The following AVEN variants were observed in gnomAD, a reference collection of about 807,000 sequenced individuals.
The protein encoded by AVEN is apoptosis and caspase activation inhibitor, also known as cell death regulator Aven.
AVEN carries 41 observed loss-of-function variants against 38.1 expected under a neutral mutation model. The observed-to-expected ratio is 1.08, with a 90% CI of 0.84 to 1.40. The LOEUF is 1.40. Among genes scored for constraint, AVEN ranks in the 40% most tolerant of loss-of-function variants. The probability of loss-of-function intolerance (pLI) is 0.00; values close to 1 mark genes in which losing one functional copy is unlikely to be tolerated. For synonymous variants in AVEN, 206 were observed against 171.8 expected, an observed-to-expected ratio of 1.20 and a Z score of -1.56; for missense variants, 605 against 438.8, an observed-to-expected ratio of 1.38 and a Z score of -3.38.
At chr15:33,887,147 A>G (rs1891738288) in intron 2 of AVEN, among the ~76,000 whole-genome samples, 2 of 152,224 alleles carry the variant, frequency 1.3e-5, no homozygotes, top group African/African-American at 4.8e-5. Flanking sequence ...ATGAGTCCAG[A>G]TAAGAATCAG....
rs1331213148 is a variant in AVEN at position 33,866,530 on chromosome 15, TG to T, written c.*82del. 4.9e-5 allele frequency: 47 copies of T among 957,992 alleles called. No individual in the cohort carries two copies. In the African/African-American group the frequency reaches 6.7e-4, roughly 14 times the overall value. The allele number at this position is 957,992 out of a possible 1,614,324, so 59.3% of individuals were successfully genotyped here. A position where few individuals can be genotyped will look rare whatever the true frequency, so the allele number is the denominator to read the frequency against. On this transcript the variant is annotated 3_prime_UTR_variant, in exon 6 of 6. Coordinates refer to ENST00000306730, the MANE Select transcript of AVEN (RefSeq NM_020371.3). ...ACTAGCTTGAGACATGCTTGTAAAC[TG>T]GCTGGTCCTGAAGGACAGCCTTATG... is the stretch of plus-strand genomic sequence containing the variant.
rs543687164 is a variant in AVEN at position 33,924,065 on chromosome 15, A to G, written c.446-48070T>C. Among the ~76,000 whole-genome samples the G allele has an allele frequency of 2.0e-5, 3 of 152,064 alleles. No individual in the cohort carries two copies. The South Asian group carries it at 6.3e-4, about 32-fold the overall frequency. ...AATGTAATGAGCTTGAATCATCCCTAAACTATCCCCCCCTTTTCTGGTCCA... is the reference window on the plus strand; with the variant it reads ...AATGTAATGAGCTTGAATCATCCCTGAACTATCCCCCCCTTTTCTGGTCCA... On this transcript the variant is annotated intron_variant, in intron 2 of 5. Coordinates refer to ENST00000306730, the MANE Select transcript of AVEN (RefSeq NM_020371.3).
intron 1 of AVEN, among the ~76,000 whole-genome samples, chr15:34,027,959 G>A (rs2632076): frequency 2.6e-5 from 4 of 152,080 alleles, no homozygotes; most frequent in South Asian, 2.1e-4. Flanking sequence ...GTGGTCATGC[G>A]CAGAAAAGAT....
At chr15:34,069,969 G>A (rs1241857920) in intron 2 of AVEN, among the ~76,000 whole-genome samples, 1 of 152,100 alleles carries the variant, frequency 6.6e-6, no homozygotes, top group East Asian at 1.9e-4. Flanking sequence ...ACCTGTATTA[G>A]TCTGTTCTTA....
intron 1 of AVEN, among the ~76,000 whole-genome samples, chr15:34,031,728 G>A (rs913063835): frequency 1.3e-5 from 2 of 152,124 alleles, no homozygotes; most frequent in Non-Finnish European, 2.9e-5. Flanking sequence ...GTTCTTCACA[G>A]GAATTGCCTT....
At chr15:33,997,667 CTT>C (rs558333846) in intron 2 of AVEN, among the ~76,000 whole-genome samples, 203 of 152,288 alleles carry the variant, frequency 1.3e-3, no homozygotes, top group African/African-American at 4.7e-3. Flanking sequence ...ATCCCAATAT[CTT>C]TTTACTGCCC....
downstream of AVEN, among the ~76,000 whole-genome samples, chr15:33,858,423 T>C (rs1230604240): frequency 2.0e-5 from 3 of 152,054 alleles, no homozygotes; most frequent in East Asian, 3.9e-4. Context: ...GTCAGGCTGG[T>C]CTCAAACTCC....
intron 2 of AVEN, among the ~76,000 whole-genome samples, chr15:33,939,530 G>A (rs1405585997): frequency 6.6e-6 from 1 of 152,206 alleles, no homozygotes; most frequent in African/African-American, 2.4e-5. Context: ...CCACAATAGA[G>A]GGTTGCAAAG....
At chr15:33,899,487 T>G (rs1892398144) in intron 2 of AVEN, among the ~76,000 whole-genome samples, 2 of 67,350 alleles carry the variant, frequency 3.0e-5, no homozygotes, top group Non-Finnish European at 5.9e-5. Flanking sequence ...TTTTTTTTTT[T>G]GAGACGGAGT....
At position 34,044,846 on chromosome 15, in the gene AVEN, G is replaced by T. The variant is rs909096512; in HGVS notation, n.1637+18076C>A. Among the ~76,000 whole-genome samples, 6 of 152,278 alleles carry T rather than the reference G, an allele frequency of 3.9e-5. No individual in the cohort carries two copies. In the East Asian group the frequency reaches 1.2e-3, roughly 29 times the overall value. On this transcript the variant is annotated intron_variant and non_coding_transcript_variant, in intron 5 of 11. Transcript: ENST00000675287. ...CGGGAGGATCATGAGGTCAGGAGAT[G>T]GAGACCATCCTAGCTAATAGGGTGA...
Position 33,867,545 on chromosome 15 carries a change from G to C in AVEN, c.923C>G (p.Ser308Cys), listed in dbSNP as rs369088250. 6.2e-7 allele frequency: 1 copy of C among 1,609,254 alleles called. No homozygotes were observed. The highest frequency in any genetic ancestry group is 8.5e-7 in the Non-Finnish European group (1 of 1,178,070). Residue 308 changes from serine (S) to cysteine (C), a missense_variant, in exon 5 of 6, where the codon TCT (serine) becomes TGT (cysteine). Coordinates refer to ENST00000306730, the MANE Select transcript of AVEN (RefSeq NM_020371.3). ...EGDNILPDQT[S>C]QDLKSKEDGE... ...ATCTTCCTTGGATTTCAGGTCCTGA[G>C]ACGTCTGATCTGGTAAGATGTTATC...
At chr15:33,966,498 A>G (rs865822545) in intron 2 of AVEN, among the ~76,000 whole-genome samples, 1 of 152,172 alleles carries the variant, frequency 6.6e-6, no homozygotes, top group Admixed American at 6.5e-5. Flanking sequence ...GCACCTTGGG[A>G]GAGAAGTATT....
chr15:33,920,346 T>A (rs1348600697), intron 2 of AVEN, among the ~76,000 whole-genome samples: 1 of 152,150 alleles, frequency 6.6e-6, no homozygotes, highest in African/African-American at 2.4e-5. Flanking sequence ...CATTTCCCCA[T>A]CTCCCCAACC....
intron 3 of AVEN, among the ~76,000 whole-genome samples, chr15:33,874,659 G>C (rs1042035890): frequency 6.6e-6 from 1 of 152,178 alleles, no homozygotes; most frequent in Non-Finnish European, 1.5e-5. Context: ...CAGACTACAG[G>C]TCACCGAGTG....
chr15:33,904,716 T>TATAC (rs1555505855), intron 2 of AVEN, among the ~76,000 whole-genome samples: 57 of 143,348 alleles, frequency 4.0e-4, no homozygotes, highest in African/African-American at 1.4e-3. Context: ...TATATATATA[T>TATAC]ACACACACAC....
chr15:34,007,216 A>G (rs566373922), intron 1 of AVEN: 1 of 251,540 alleles, frequency 4.0e-6, no homozygotes, highest in Non-Finnish European at 6.3e-6. Flanking sequence ...TAGAAAGAGT[A>G]GCTTAATGTT....
chr15:33,925,475 T>A (rs927951113), intron 2 of AVEN, among the ~76,000 whole-genome samples: 12 of 152,202 alleles, frequency 7.9e-5, no homozygotes, highest in Admixed American at 3.9e-4. Context: ...CCAATGCCAA[T>A]AGTTTCCCTG....
chr15:33,880,700 G>T (rs900942082), intron 2 of AVEN, among the ~76,000 whole-genome samples: 1 of 151,954 alleles, frequency 6.6e-6, no homozygotes, highest in African/African-American at 2.4e-5. Context: ...CATTAAAAAC[G>T]ATCAGGCCTA....
At chr15:33,899,967 T>G (rs774348306) in intron 2 of AVEN, among the ~76,000 whole-genome samples, 19 of 151,498 alleles carry the variant, frequency 1.3e-4, no homozygotes, top group Non-Finnish European at 2.5e-4. Flanking sequence ...AAGTATAAAG[T>G]CATGTGCAAA....
Sources: gnomAD v4.1 joint callset for allele counts (sites outside exome capture counted in the v4.1 genomes callset) on GRCh38, gnomAD v4.1.1 for gene constraint, MANE v1.5 for transcripts, NCBI Gene and HGNC (gene_info 2026-07-23, HGNC 2026-07-21) for gene names.